Variants in NAV2 observed in about 807,000 individuals in gnomAD.
The protein encoded by NAV2 is neuron navigator 2.
A neutral mutation model predicts 223.2 loss-of-function variants in NAV2; 54 were observed. The observed-to-expected ratio is 0.24, with a 90% CI of 0.19 to 0.30. NAV2 has a LOEUF of 0.30. NAV2 is among the 10% of genes least tolerant of loss of function. The pLI, the probability that NAV2 is intolerant of heterozygous loss-of-function variation, is 1.00. For synonymous variants in NAV2, 1,279 were observed against 1,239.3 expected (o/e 1.03, Z -0.67); for missense variants, 2,806 against 3,147.5 (o/e 0.89, Z 2.60).
intron 10 of NAV2, chr11:19,978,570 G>C (rs1221218890): frequency 6.6e-6 from 1 of 151,804 alleles, no homozygotes; most frequent in Non-Finnish European, 1.5e-5. Context: ...ATAGAGACAG[G>C]CTGACGTGTC....
chr11:19,551,031 G>A (rs1484964672), intron 1 of NAV2, among the ~76,000 whole-genome samples: 6 of 152,276 alleles, frequency 3.9e-5, no homozygotes, highest in Non-Finnish European at 1.5e-5. Context: ...CTATGCAGTA[G>A]CCCTGCTCTG....
At chr11:20,041,982 G>C (rs2056959860) in intron 12 of NAV2, among the ~76,000 whole-genome samples, 1 of 152,084 alleles carries the variant, frequency 6.6e-6, no homozygotes. Context: ...TTACACCCTT[G>C]TTTGTGTTTA....
intron 1 of NAV2, among the ~76,000 whole-genome samples, chr11:19,819,612 T>A (rs1436142931): frequency 6.6e-6 from 1 of 152,120 alleles, no homozygotes; most frequent in Non-Finnish European, 1.5e-5. Flanking sequence ...GTGTGAGGGA[T>A]GCCACCAGCT....
chr11:19,397,402 T>TGC (rs1849496424), intron 1 of NAV2, among the ~76,000 whole-genome samples: 1 of 138,762 alleles, frequency 7.2e-6, no homozygotes, highest in Non-Finnish European at 1.5e-5. Flanking sequence ...GGGGAGTGTG[T>TGC]GTGTGTGTGT....
At chr11:19,946,690 T>A (rs527433760) in intron 9 of NAV2, among the ~76,000 whole-genome samples, 181 bp downstream of exon 9, 1 of 152,300 alleles carries the variant, frequency 6.6e-6, no homozygotes, top group Admixed American at 6.5e-5. Flanking sequence ...AATAAAAAAT[T>A]AGTATAGACA....
At chr11:20,028,575 A>G (rs2055341258) in intron 11 of NAV2, among the ~76,000 whole-genome samples, 1 of 152,202 alleles carries the variant, frequency 6.6e-6, no homozygotes, top group Non-Finnish European at 1.5e-5. Flanking sequence ...TGTATGTACT[A>G]TAGCTGTGCG....
intron 11 of NAV2, among the ~76,000 whole-genome samples, chr11:19,997,635 C>G (rs2052039526): frequency 2.0e-5 from 3 of 152,162 alleles, no homozygotes; most frequent in African/African-American, 7.2e-5. Flanking sequence ...GCTCAGTGAG[C>G]TTATGTGACT....
At position 20,075,254 on chromosome 11, in the gene NAV2, C is replaced by T. The variant is rs139682237; in HGVS notation, c.4984-2298C>T. Among the ~76,000 whole-genome samples, 1,201 of 150,152 alleles carry T rather than the reference C, an allele frequency of 8.0e-3. 15 individuals carry two copies. The highest frequency in any genetic ancestry group is 0.027 in the African/African-American group (1,093 of 40,424). On this transcript the variant is annotated intron_variant, in intron 22 of 37. Coordinates refer to ENST00000349880, the MANE Select transcript of NAV2 (RefSeq NM_145117.5). ...TTTTTTTTGAGACAGAGTCTCATCC[C>T]GCTCTGTTGCCCAGGCTGGAGTGCA... is the stretch of plus-strand genomic sequence containing the variant.
chr11:20,089,030 C>G (rs961365706), intron 26 of NAV2, among the ~76,000 whole-genome samples: 8 of 151,922 alleles, frequency 5.3e-5, no homozygotes, highest in African/African-American at 1.9e-4. Flanking sequence ...AAGCATGGTT[C>G]TATCAGTAAA....
intron 1 of NAV2, among the ~76,000 whole-genome samples, chr11:19,700,695 CT>C (rs1217425783): frequency 1.3e-5 from 2 of 152,198 alleles, no homozygotes; most frequent in African/African-American, 4.8e-5. Flanking sequence ...TGGTCATCCT[CT>C]TTGCCTTTCA....
At chr11:19,975,246 G>T (rs937205224) in intron 10 of NAV2, among the ~76,000 whole-genome samples, 2 of 152,218 alleles carry the variant, frequency 1.3e-5, no homozygotes, top group Non-Finnish European at 2.9e-5. Flanking sequence ...TTTCGAACGT[G>T]TGCAGCCTTT....
At chr11:19,930,293 T>C in intron 6 of NAV2, among the ~76,000 whole-genome samples, 1 of 152,170 alleles carries the variant, frequency 6.6e-6, no homozygotes, top group Admixed American at 6.5e-5. Flanking sequence ...GTTGGTTAAT[T>C]TCTAGCTGCG....
chr11:19,878,493 AAG>A (rs1224069905), intron 4 of NAV2, among the ~76,000 whole-genome samples: 13 of 152,290 alleles, frequency 8.5e-5, no homozygotes, highest in African/African-American at 3.1e-4. Context: ...TTGCACAACT[AAG>A]AAGTGGTAAG....
Position 20,049,010 on chromosome 11 carries a change from C to A in NAV2, c.4185C>A (p.Ser1395Arg). The A allele has an allele frequency of 6.2e-7, 1 of 1,614,166 alleles. No individual in the cohort carries two copies. The highest frequency in any genetic ancestry group is 1.7e-5 in the Admixed American group (1 of 60,018). Residue 1395 changes from serine to arginine, a missense_variant, in exon 15 of 38, where the codon AGC becomes AGA. Physicochemically the swap from Ser to Arg is moderately radical, Grantham distance 110. Coordinates refer to ENST00000349880, the MANE Select transcript of NAV2 (RefSeq NM_145117.5). ...ACGCCAGCAGCTCCTCCGCAGTTAG[C>A]AAGGATGGCCTGGGCTTTCAGTCTG... ...GTNASSSSAV[S>R]KDGLGFQSVS...
Position 19,527,258 on chromosome 11 carries a change from G to A in NAV2, c.75+176231G>A, listed in dbSNP as rs569509152. Among the ~76,000 whole-genome samples, 7 of 152,164 alleles carry A rather than the reference G, an allele frequency of 4.6e-5. No homozygotes were observed. The South Asian group carries it at 1.0e-3, about 23-fold the overall frequency. ...TTTTATAAAGGGTTTCCCCTTTTGCGTGACTCTCATTCTCTGTAGTCTGCT... is the reference window on the plus strand; with the variant it reads ...TTTTATAAAGGGTTTCCCCTTTTGCATGACTCTCATTCTCTGTAGTCTGCT... On this transcript the variant is annotated intron_variant, in intron 1 of 37. Transcript: ENST00000360655.
At chr11:19,426,493 A>G (rs2133553068) in intron 1 of NAV2, among the ~76,000 whole-genome samples, 1 of 152,300 alleles carries the variant, frequency 6.6e-6, no homozygotes, top group East Asian at 1.9e-4. Flanking sequence ...TCCCTAATTT[A>G]CAAAGATATT....
At chr11:19,740,998 G>A (rs986005141) in intron 1 of NAV2, among the ~76,000 whole-genome samples, 8 of 152,152 alleles carry the variant, frequency 5.3e-5, no homozygotes, top group African/African-American at 1.7e-4. Context: ...TCAGTAGAAG[G>A]GATGTGAGAT....
chr11:19,560,585 C>A (rs573610544), intron 1 of NAV2, among the ~76,000 whole-genome samples: 2 of 152,332 alleles, frequency 1.3e-5, no homozygotes, highest in South Asian at 4.1e-4. Context: ...ATTTGATAAA[C>A]AACATGCTGT....
At chr11:19,401,305 C>T (rs1849675622) in intron 1 of NAV2, among the ~76,000 whole-genome samples, 3 of 152,142 alleles carry the variant, frequency 2.0e-5, no homozygotes. Context: ...AAAGACAAAA[C>T]CAAATACCAC....
Sources: allele counts gnomAD v4.1 joint callset (sites outside exome capture counted in the v4.1 genomes callset), GRCh38; gene constraint gnomAD v4.1.1; transcripts MANE v1.5; gene names NCBI Gene and HGNC (gene_info 2026-07-23, HGNC 2026-07-21).